Variants in PHF20 observed in about 807,000 individuals in gnomAD.
PHF20 encodes the protein glioma-expressed antigen 2.
PHF20 carries 23 observed loss-of-function variants against 113.5 expected under a neutral mutation model. The ratio of observed to expected loss-of-function variants is 0.20; its 90% CI spans 0.15 to 0.29. The LOEUF is 0.29. Among genes scored for constraint, PHF20 ranks in the 10% least tolerant of loss-of-function variants. PHF20 has a pLI of 1.00. For missense variants in PHF20, 943 were observed against 1,219.6 expected (o/e 0.77, Z 3.38); for synonymous variants, 434 against 457.3 (o/e 0.95, Z 0.65).
chr20:35,891,956 G>A (rs1230800366), intron 9 of PHF20, among the ~76,000 whole-genome samples: 3 of 152,056 alleles, frequency 2.0e-5, no homozygotes, highest in Non-Finnish European at 2.9e-5. Context: ...TGCAACCTCC[G>A]CCTACCGGGT....
chr20:35,816,039 C>T (rs762258064), intron 2 of PHF20, among the ~76,000 whole-genome samples: 1 of 152,116 alleles, frequency 6.6e-6, no homozygotes, highest in Non-Finnish European at 1.5e-5. Flanking sequence ...TCACAGCAAC[C>T]TCCATCTCCG....
chr20:35,908,176 G>A (rs1297558313), intron 10 of PHF20, among the ~76,000 whole-genome samples: 2 of 152,220 alleles, frequency 1.3e-5, no homozygotes, highest in East Asian at 3.8e-4. Flanking sequence ...CCCTGGAGTG[G>A]GAGATAGGAG....
Position 35,858,793 on chromosome 20 carries a change from G to A in PHF20, c.420+412G>A, listed in dbSNP as rs545585523. 5.3e-5 allele frequency among the ~76,000 whole-genome samples: 8 copies of A among 152,192 alleles called. 1 individual carries two copies. The South Asian group carries it at 1.5e-3, about 28-fold the overall frequency. On this transcript the variant is annotated intron_variant, in intron 5 of 17. Coordinates refer to ENST00000374012, the MANE Select transcript of PHF20 (RefSeq NM_016436.5). ...TCACCGTATTGGTCAGGCTGGTCTCGAACTCCTGACCTCAGGTGATCCACC... is the reference window on the plus strand; with the variant it reads ...TCACCGTATTGGTCAGGCTGGTCTCAAACTCCTGACCTCAGGTGATCCACC...
chr20:35,916,300 G>A lies in PHF20; in HGVS notation c.1826-1184G>A, dbSNP rs1242980983. Among the ~76,000 whole-genome samples the A allele has an allele frequency of 2.6e-5, 4 of 152,310 alleles. No homozygotes were observed. The East Asian group carries it at 7.7e-4, about 29-fold the overall frequency. On this transcript the variant is annotated intron_variant, in intron 12 of 17. Transcript: ENST00000374012. ...AAATAATATACAATATCTGTGAAGT[G>A]CAATAAAATATTAATAGTTATGCCT...
intron 2 of PHF20, among the ~76,000 whole-genome samples, chr20:35,809,226 C>G (rs1029101998): frequency 6.6e-6 from 1 of 151,018 alleles, no homozygotes; most frequent in African/African-American, 2.4e-5. Flanking sequence ...CCAGCCTGGG[C>G]GACAGAGCAA....
chr20:35,943,616 T>C (rs1365320572), intron 17 of PHF20, among the ~76,000 whole-genome samples: 1 of 151,946 alleles, frequency 6.6e-6, no homozygotes, highest in South Asian at 2.1e-4. Context: ...GTACTTTATT[T>C]ATTTATTTAT....
rs139792522 is a variant in PHF20 at position 35,871,106 on chromosome 20, G to A, written c.1074G>A (p.Thr358=). The A allele has an allele frequency of 2.1e-5, 34 of 1,612,002 alleles. No individual in the cohort carries two copies. In the African/African-American group the frequency reaches 2.3e-4, roughly 11 times the overall value. The change falls in exon 8 of 18, where the codon ACG becomes ACA. Residue 358 remains threonine, a synonymous_variant. Transcript: ENST00000374012. ...TTGATACGGATCCTTTGCAAGACAC[G>A]TTGTCTAGTACCAAGGAATCTGAAG... ...DLVDTDPLQD[T]LSSTKESEEG...
rs573501954 is a variant in PHF20 at position 35,944,622 on chromosome 20, A to G, written c.2897-2863A>G. Among the ~76,000 whole-genome samples the G allele has an allele frequency of 1.7e-4, 26 of 152,150 alleles. No homozygotes were observed. The South Asian group carries it at 5.2e-3, about 30-fold the overall frequency. On this transcript the variant is annotated intron_variant, in intron 17 of 17. Coordinates refer to ENST00000374012, the MANE Select transcript of PHF20 (RefSeq NM_016436.5). The stretch of plus-strand genomic sequence containing the variant: ...TCTTGCTCTTTCTCGCCCAGGCTGG[A>G]GTACAGTGGCATGATCTCGGCTTAC...
At chr20:35,798,874 GCCTCAGCCTTTTCAGTAGCTGGGATTATA>G (rs1417610634) in intron 1 of PHF20, among the ~76,000 whole-genome samples, 4 of 151,946 alleles carry the variant, frequency 2.6e-5, no homozygotes, top group Non-Finnish European at 5.9e-5. Context: ...CGATCCTCCT[GCCTCAGCCTTTTCAGTAGCTGGGATTATA>G]AGCCTGAGCC....
chr20:35,868,757 A>T (rs7274069), intron 6 of PHF20, among the ~76,000 whole-genome samples: 1 of 152,194 alleles, frequency 6.6e-6, no homozygotes, highest in Admixed American at 6.5e-5. Context: ...GTTAACTAGC[A>T]TAGTCTCCCA....
chr20:35,931,298 G>C lies in PHF20; in HGVS notation c.2154G>C (p.Arg718Ser). 3 of 1,614,010 alleles carry C rather than the reference G, an allele frequency of 1.9e-6. No individual in the cohort carries two copies. The highest frequency in any genetic ancestry group is 2.5e-6 in the Non-Finnish European group (3 of 1,179,946). The change falls in exon 15 of 18, where the codon AGG becomes AGC. Residue 718 changes from arginine to serine, a missense_variant. Physicochemically the swap from Arg to Ser is moderately radical, Grantham distance 110 (BLOSUM62 -1). Transcript: ENST00000374012. ...GGTATGACAAGGAGTGGCTGAGCAG[G>C]GGACATATGCATGGCCTGGCATTTC... is the stretch of plus-strand genomic sequence containing the variant. ...KYWYDKEWLSRGHMHGLAFLE... is the reference protein window; with the variant it reads ...KYWYDKEWLSSGHMHGLAFLE...
At chr20:35,870,099 T>C (rs1322269060) in intron 7 of PHF20, among the ~76,000 whole-genome samples, 2 of 149,936 alleles carry the variant, frequency 1.3e-5, no homozygotes, top group African/African-American at 4.9e-5. Context: ...GGACGGGAGA[T>C]TGAGACCATC....
At chr20:35,904,728 T>C (rs1286427028) in intron 10 of PHF20, among the ~76,000 whole-genome samples, 1 of 149,160 alleles carries the variant, frequency 6.7e-6, no homozygotes, top group Non-Finnish European at 1.5e-5. Flanking sequence ...GTTCCCTTTG[T>C]GATCTCAGGC....
intron 9 of PHF20, among the ~76,000 whole-genome samples, chr20:35,883,921 G>GCC (rs2054679096): frequency 1.3e-5 from 2 of 152,186 alleles, no homozygotes; most frequent in African/African-American, 4.8e-5. Context: ...CAGAGTAAGA[G>GCC]GCTTAGTAGG....
chr20:35,843,825 G>A (rs60828070), intron 3 of PHF20, among the ~76,000 whole-genome samples: 7,709 of 152,014 alleles, frequency 0.051, 245 homozygotes, highest in African/African-American at 0.099. Context: ...TGATCCTCCC[G>A]CCTTGGTCTC....
intron 4 of PHF20, among the ~76,000 whole-genome samples, chr20:35,852,462 G>A (rs1010513442): frequency 6.6e-6 from 1 of 152,158 alleles, no homozygotes; most frequent in Non-Finnish European, 1.5e-5. Context: ...GAATAGATGA[G>A]TGTTGTATTG....
chr20:35,936,211 C>G (rs1278833547), intron 15 of PHF20, among the ~76,000 whole-genome samples: 1 of 152,122 alleles, frequency 6.6e-6, no homozygotes, highest in Non-Finnish European at 1.5e-5. Flanking sequence ...AACAATGACT[C>G]CCATTTCCCC....
intron 16 of PHF20, among the ~76,000 whole-genome samples, chr20:35,939,969 C>T (rs757362691): frequency 6.6e-6 from 1 of 152,192 alleles, no homozygotes; most frequent in Non-Finnish European, 1.5e-5. Flanking sequence ...TTGAGACAGA[C>T]GCAGTTTCAA....
At chr20:35,814,038 T>C (rs1222241915) in intron 2 of PHF20, among the ~76,000 whole-genome samples, 1 of 151,328 alleles carries the variant, frequency 6.6e-6, no homozygotes, top group Non-Finnish European at 1.5e-5. Flanking sequence ...ACTCTATCTC[T>C]AAATAAAATA....
Sources: gnomAD v4.1 joint callset for allele counts (sites outside exome capture counted in the v4.1 genomes callset) on GRCh38, gnomAD v4.1.1 for gene constraint, MANE v1.5 for transcripts, NCBI Gene and HGNC (gene_info 2026-07-23, HGNC 2026-07-21) for gene names.